NAALAD2: variants seen among roughly 807,000 people sequenced by gnomAD.
NAALAD2 encodes N-acetylated alpha-linked acidic dipeptidase 2.
In NAALAD2, 89 loss-of-function variants were observed where a neutral mutation model predicts 95.6. The observed-to-expected ratio is 0.93, with a 90% CI of 0.78 to 1.11. The LOEUF is 1.11. NAALAD2 is among the 50% of genes least tolerant of loss of function. The pLI, the probability that NAALAD2 is intolerant of heterozygous loss-of-function variation, is 0.00. For missense variants in NAALAD2, 894 were observed against 872.4 expected (o/e 1.02, Z -0.31); for synonymous variants, 264 against 294.4 (o/e 0.90, Z 1.06).
At chr11:90,190,446 G>C (rs1857290682) in intron 18 of NAALAD2, among the ~76,000 whole-genome samples, 1 of 152,122 alleles carries the variant, frequency 6.6e-6, no homozygotes, top group Admixed American at 6.5e-5. Flanking sequence ...AGACAACTTA[G>C]GCAATTTGCC....
At chr11:90,152,049 C>T (rs1951901108) in intron 5 of NAALAD2, among the ~76,000 whole-genome samples, 1 of 152,078 alleles carries the variant, frequency 6.6e-6, no homozygotes, top group Admixed American at 6.6e-5. Context: ...ATGAATTCTA[C>T]AGTTGCAGGT....
At chr11:90,191,189 AAAAT>A (rs1857313517) in intron 18 of NAALAD2, among the ~76,000 whole-genome samples, 1 of 152,246 alleles carries the variant, frequency 6.6e-6, no homozygotes, top group African/African-American at 2.4e-5. Context: ...AGGCAACACA[AAAAT>A]AAATTATCTT....
intron 4 of NAALAD2, among the ~76,000 whole-genome samples, chr11:90,150,123 C>A (rs533469412): frequency 6.6e-6 from 1 of 151,940 alleles, no homozygotes; most frequent in Admixed American, 6.6e-5. Flanking sequence ...GGCATGGTGG[C>A]GCATGTCTGT....
intron 18 of NAALAD2, among the ~76,000 whole-genome samples, chr11:90,190,612 CAT>C (rs1857295064): frequency 6.6e-6 from 1 of 152,090 alleles, no homozygotes; most frequent in African/African-American, 2.4e-5. Context: ...TTTCTTGACT[CAT>C]ATACAGGTCA....
chr11:90,156,044 T>C (rs11018887), intron 6 of NAALAD2, among the ~76,000 whole-genome samples: 68,148 of 150,770 alleles, frequency 0.45, 16,472 homozygotes, highest in African/African-American at 0.62. Flanking sequence ...ATAATATTTT[T>C]GTACTATTCT....
At chr11:90,140,865 C>T (rs186463718) in intron 2 of NAALAD2, among the ~76,000 whole-genome samples, 16 of 152,114 alleles carry the variant, frequency 1.1e-4, no homozygotes, top group Admixed American at 9.8e-4. Flanking sequence ...AGTTTCTGAC[C>T]TATTTTGAGT....
At chr11:90,141,609 T>C (rs1308324519) in intron 2 of NAALAD2, among the ~76,000 whole-genome samples, 5 of 151,678 alleles carry the variant, frequency 3.3e-5, no homozygotes, top group Non-Finnish European at 7.4e-5. Flanking sequence ...TTTGTTTGTT[T>C]GTTTTGGTTT....
chr11:90,140,694 G>A (rs10765251), intron 2 of NAALAD2, among the ~76,000 whole-genome samples: 1 of 151,778 alleles, frequency 6.6e-6, no homozygotes, highest in Non-Finnish European at 1.5e-5. Flanking sequence ...CTCATTTGCA[G>A]ATCAGAAGTT....
chr11:90,184,301 T>C (rs1386544515), intron 18 of NAALAD2, among the ~76,000 whole-genome samples: 2 of 152,106 alleles, frequency 1.3e-5, no homozygotes, highest in African/African-American at 2.4e-5. Context: ...CCTGGAAAAA[T>C]TATTTTTCTA....
rs1358421414 is a variant in NAALAD2 at position 90,192,500 on chromosome 11, A to G, written c.*753A>G. On this transcript the variant is annotated 3_prime_UTR_variant, in exon 19 of 19. Coordinates refer to ENST00000534061, the MANE Select transcript of NAALAD2 (RefSeq NM_005467.4). ...AAGAAGTATGAGGAAACTTTCTCCA[A>G]TAGATGAGAATTTTCCGTATCTTGA... 6.6e-6 allele frequency: 1 copy of G among 152,054 alleles called. No homozygotes were observed. Among genetic ancestry groups the G allele is most frequent in the Non-Finnish European group, 1.5e-5 (1 of 67,924 alleles). The allele number at this position is 152,054 out of a possible 1,614,324, so 9.4% of individuals were successfully genotyped here.
chr11:90,191,066 C>T (rs1421103613), intron 18 of NAALAD2, among the ~76,000 whole-genome samples: 3 of 152,114 alleles, frequency 2.0e-5, no homozygotes, highest in Non-Finnish European at 4.4e-5. Context: ...GAATGGACGT[C>T]ATTATCCTTG....
rs137935487 is a variant in NAALAD2, at chr11:90,157,367, A to T, written c.797-778A>T. On this transcript the variant is annotated intron_variant, in intron 6 of 18. Transcript: ENST00000534061. ...ATCTTGGCTGAAAGTCACAGTTCCA[A>T]TGAGGTTTTAAGGCTGGCAATACTT... Among the ~76,000 whole-genome samples the T allele has an allele frequency of 1.5e-3, 234 of 152,292 alleles. 1 individual carries two copies. Among genetic ancestry groups the T allele is most frequent in the African/African-American group, 5.2e-3 (217 of 41,568 alleles).
intron 4 of NAALAD2, among the ~76,000 whole-genome samples, chr11:90,149,464 C>T (rs56794816): frequency 0.025 from 3,749 of 151,976 alleles, 146 homozygotes; most frequent in African/African-American, 0.084. Context: ...GACAGAGTTT[C>T]GCTCTTGTCA....
At chr11:90,134,139 G>T (rs906613315), upstream of NAALAD2, among the ~76,000 whole-genome samples, 1 of 152,146 alleles carries the variant, frequency 6.6e-6, no homozygotes, top group Non-Finnish European at 1.5e-5. Context: ...AGTGAGGTAG[G>T]TAAAAACCTC....
At chr11:90,183,950 T>G (rs981907925) in intron 18 of NAALAD2, among the ~76,000 whole-genome samples, 4 of 152,156 alleles carry the variant, frequency 2.6e-5, no homozygotes, top group African/African-American at 9.7e-5. Flanking sequence ...CATGTTCTCT[T>G]TCAGTATCTT....
chr11:90,183,009 G>A lies in NAALAD2; in HGVS notation c.2033+1G>A. ...GTTTACCAGGAAAGCTGTTCTATAG[G>A]TAAGGAAACAACAGGCGCCAAATAC... On this transcript the variant is annotated splice_donor_variant, in intron 18 of 18. Transcript: ENST00000534061. LOFTEE classifies it high-confidence loss of function. 1 of 1,610,058 alleles carries A rather than the reference G, an allele frequency of 6.2e-7. No homozygotes were observed. Among genetic ancestry groups the A allele is most frequent in the Non-Finnish European group, 8.5e-7 (1 of 1,176,746 alleles).
chr11:90,139,753 A>G (rs748638990), intron 2 of NAALAD2, among the ~76,000 whole-genome samples: 15 of 152,146 alleles, frequency 9.9e-5, no homozygotes, highest in Non-Finnish European at 1.9e-4. Flanking sequence ...CTACACCCAC[A>G]TAAAAGCTAC....
At chr11:90,169,627 G>A (rs564845452) in intron 12 of NAALAD2, 1 of 159,954 alleles carries the variant, frequency 6.3e-6, no homozygotes, top group East Asian at 1.9e-4. Context: ...GAAGAGATTC[G>A]TGTCTCTAGG....
intron 8 of NAALAD2, among the ~76,000 whole-genome samples, chr11:90,160,250 C>A (rs2077094784): frequency 6.6e-6 from 1 of 152,074 alleles, no homozygotes; most frequent in South Asian, 2.1e-4. Context: ...GCAAGAAATG[C>A]CAACTAGAGA....
Sources: allele counts gnomAD v4.1 joint callset (sites outside exome capture counted in the v4.1 genomes callset), GRCh38; gene constraint gnomAD v4.1.1; transcripts MANE v1.5; gene names NCBI Gene and HGNC (gene_info 2026-07-23, HGNC 2026-07-21).